Variants in BOLL observed in about 807,000 individuals in gnomAD.
BOLL encodes the protein boule RNA binding protein.
A neutral mutation model predicts 44.4 loss-of-function variants in BOLL; 23 were observed. The ratio of observed to expected loss-of-function variants is 0.52; its 90% CI spans 0.37 to 0.73. The LOEUF (loss-of-function observed/expected upper bound fraction) is 0.73. BOLL is among the 30% of genes least tolerant of loss of function. BOLL has a pLI of 0.00. For synonymous variants in BOLL, 97 were observed against 110.8 expected (o/e 0.88, Z 0.78); for missense variants, 287 against 338.3 (o/e 0.85, Z 1.19).
intron 7 of BOLL, among the ~76,000 whole-genome samples, chr2:197,761,687 C>T (rs755984879): frequency 2.6e-5 from 4 of 152,114 alleles, no homozygotes; most frequent in African/African-American, 4.8e-5. Context: ...AGAGACCCAA[C>T]TATATGCTAC....
intron 6 of BOLL, among the ~76,000 whole-genome samples, chr2:197,768,086 T>C: frequency 6.6e-6 from 1 of 152,052 alleles, no homozygotes; most frequent in Non-Finnish European, 1.5e-5. Flanking sequence ...AGCATTACTA[T>C]ACACCAGCTA....
chr2:197,778,931 A>C, intron 3 of BOLL, 44 bp downstream of exon 3: 1 of 1,525,178 alleles, frequency 6.6e-7, no homozygotes, highest in Non-Finnish European at 9.0e-7. Context: ...CATCCAATGA[A>C]AATAGAGTTG....
chr2:197,744,806 G>T (rs1559396971), intron 9 of BOLL, among the ~76,000 whole-genome samples: 1 of 152,180 alleles, frequency 6.6e-6, no homozygotes, highest in Non-Finnish European at 1.5e-5. Flanking sequence ...AGGAGATTAT[G>T]AAAGCAAGAC....
In BOLL at chr2:197,728,357, T is replaced by G. The variant is rs765245234; in HGVS notation, c.*198A>C. On this transcript the variant is annotated 3_prime_UTR_variant, in exon 11 of 11. Coordinates refer to ENST00000392296, the MANE Select transcript of BOLL (RefSeq NM_033030.6). ...CAACATGCCACATCTACCTAAATAA[T>G]TTTGTAGAACAGCTGAAAAAGCAAA... The G allele has an allele frequency of 2.6e-5, 20 of 780,612 alleles. No homozygotes were observed. The highest frequency in any genetic ancestry group is 3.6e-5 in the Non-Finnish European group (18 of 493,448). The allele number at this position is 780,612 out of a possible 1,614,324, so 48.4% of individuals were successfully genotyped here.
intron 9 of BOLL, among the ~76,000 whole-genome samples, chr2:197,749,060 T>C (rs2106336595): frequency 6.6e-6 from 1 of 152,372 alleles, no homozygotes; most frequent in Non-Finnish European, 1.5e-5. Flanking sequence ...ATCTTTGCTG[T>C]TCCGCAGCTT....
chr2:197,740,895 A>C (rs1687700223), intron 10 of BOLL, among the ~76,000 whole-genome samples: 1 of 152,108 alleles, frequency 6.6e-6, no homozygotes, highest in African/African-American at 2.4e-5. Flanking sequence ...AAAATTTTTA[A>C]GTTTGAAGTC....
chr2:197,778,805 T>TAC (rs71964015), intron 3 of BOLL, among the ~76,000 whole-genome samples, 170 bp downstream of exon 3: 11,768 of 143,456 alleles, frequency 0.082, 605 homozygotes, highest in African/African-American at 0.15. Context: ...CCCTCCAAAA[T>TAC]ACACACACAC....
chr2:197,751,847 A>T (rs1357381502), intron 9 of BOLL, among the ~76,000 whole-genome samples: 1 of 152,002 alleles, frequency 6.6e-6, no homozygotes. Context: ...ACAAAAAAAA[A>T]AAAAGAAAAT....
In BOLL at chr2:197,785,110, A is replaced by T. The variant is rs1016512650; in HGVS notation, c.-70T>A. On this transcript the variant is annotated 5_prime_UTR_variant, in exon 1 of 11. Transcript: ENST00000392296. This position sits in a 1 kb window ranked among gnomAD's most constrained non-coding sequence, Gnocchi z 6.7. ...CCCTCCAAGGCCAGCAAGTTGCGGCACTGGGGGAAATGGCCGCGGCGACAA... is the reference window on the plus strand; with the variant it reads ...CCCTCCAAGGCCAGCAAGTTGCGGCTCTGGGGGAAATGGCCGCGGCGACAA... The T allele has an allele frequency of 1.0e-6, 1 of 985,960 alleles. No homozygotes were observed. Among genetic ancestry groups the T allele is most frequent in the Admixed American group, 6.1e-5 (1 of 16,280 alleles). The allele number at this position is 985,960 out of a possible 1,614,324, so 61.1% of individuals were successfully genotyped here.
rs1682611762 is a variant in BOLL, at chr2:197,727,410, A to G, written c.*1145T>C. 1 of 152,352 alleles carries G rather than the reference A, an allele frequency of 6.6e-6. No individual in the cohort carries two copies. The highest frequency in any genetic ancestry group is 6.5e-5 in the Admixed American group (1 of 15,276). 9.4% of individuals were successfully genotyped at this position (152,352 alleles called of 1,614,324 possible). On this transcript the variant is annotated 3_prime_UTR_variant, in exon 11 of 11. Coordinates refer to ENST00000392296, the MANE Select transcript of BOLL (RefSeq NM_033030.6). Reference sequence around the variant, plus strand: ...GAGGTCAGTGAAAGAACTGCAAATGAATGTAAAGAGGAATATTTCCTGTAC... The same window carrying G: ...GAGGTCAGTGAAAGAACTGCAAATGGATGTAAAGAGGAATATTTCCTGTAC...
In BOLL at chr2:197,785,237, G is replaced by A; in HGVS notation, c.-197C>T. ...GAGGGAAAAGAAGGCTAGCCAGCGAGAAATTTTGCCCCACAAATCCGCCAG... is the reference window on the plus strand; with the variant it reads ...GAGGGAAAAGAAGGCTAGCCAGCGAAAAATTTTGCCCCACAAATCCGCCAG... On this transcript the variant is annotated 5_prime_UTR_variant, in exon 1 of 11. Transcript: ENST00000392296. The surrounding 1 kb of genome is among the most constrained non-coding windows in gnomAD (Gnocchi z 6.7). 1 of 985,938 alleles carries A rather than the reference G, an allele frequency of 1.0e-6. No homozygotes were observed. The highest frequency in any genetic ancestry group is 1.2e-6 in the Non-Finnish European group (1 of 829,952). 61.1% of individuals were successfully genotyped at this position (985,938 alleles called of 1,614,324 possible). A position where few individuals can be genotyped will look rare whatever the true frequency, so the allele number is the denominator to read the frequency against.
At chr2:197,728,895 G>A (rs955017876) in intron 10 of BOLL, among the ~76,000 whole-genome samples, 5 of 152,300 alleles carry the variant, frequency 3.3e-5, no homozygotes, top group Admixed American at 3.3e-4. Context: ...CTATTAGGTG[G>A]GTCTTAAAAA....
At chr2:197,766,247 T>G (rs1688993193) in intron 7 of BOLL, among the ~76,000 whole-genome samples, 1 of 152,076 alleles carries the variant, frequency 6.6e-6, no homozygotes, top group Admixed American at 6.6e-5. Context: ...TTGAGGAATC[T>G]CCATACTGCT....
chr2:197,784,487 G>A (rs1292599607), intron 1 of BOLL: 2 of 140,502 alleles, frequency 1.4e-5, no homozygotes, highest in East Asian at 2.1e-4. Context: ...CTGGAGTGCA[G>A]TGGCGTGATT....
intron 9 of BOLL, among the ~76,000 whole-genome samples, chr2:197,750,724 A>G (rs1391800825): frequency 6.6e-6 from 1 of 152,212 alleles, no homozygotes; most frequent in Non-Finnish European, 1.5e-5. Context: ...CACTGTCAAT[A>G]TTAGACAGAT....
chr2:197,756,936 A>G (rs1688542831), intron 8 of BOLL, among the ~76,000 whole-genome samples: 1 of 152,178 alleles, frequency 6.6e-6, no homozygotes, highest in African/African-American at 2.4e-5. Flanking sequence ...GGAAAATGTG[A>G]AACTTTTTTG....
Position 197,731,670 on chromosome 2 carries a change from C to G in BOLL, c.829-3092G>C, listed in dbSNP as rs918434377. 2.6e-4 allele frequency among the ~76,000 whole-genome samples: 39 copies of G among 151,468 alleles called. 1 individual carries two copies. The highest frequency in any genetic ancestry group is 4.7e-4 in the Non-Finnish European group (32 of 67,990). ...TCAGGATTAAGAATCTCACTCAAAACTGCTCAAATACATGGAAACTGAACA... is the reference window on the plus strand; with the variant it reads ...TCAGGATTAAGAATCTCACTCAAAAGTGCTCAAATACATGGAAACTGAACA... On this transcript the variant is annotated intron_variant, in intron 10 of 10. Transcript: ENST00000392296.
Position 197,759,348 on chromosome 2 carries a change from G to C in BOLL, c.553-1948C>G, listed in dbSNP as rs111684153. On this transcript the variant is annotated intron_variant, in intron 7 of 10. Transcript: ENST00000392296. ...CCAGCCTGCATTGCTACTGCAAACAGCCACACTCCTTGCAACAGGAGAATC... is the reference window on the plus strand; with the variant it reads ...CCAGCCTGCATTGCTACTGCAAACACCCACACTCCTTGCAACAGGAGAATC... Among the ~76,000 whole-genome samples, 1,083 of 152,236 alleles carry C rather than the reference G, an allele frequency of 7.1e-3. 22 individuals carry two copies. The highest frequency in any genetic ancestry group is 0.024 in the African/African-American group (1,015 of 41,536).
Position 197,737,337 on chromosome 2 carries a change from A to T in BOLL, c.828+5724T>A, listed in dbSNP as rs1574806035. Among the ~76,000 whole-genome samples the T allele has an allele frequency of 3.3e-5, 5 of 152,052 alleles. No individual in the cohort carries two copies. In the South Asian group the frequency reaches 8.3e-4, roughly 25 times the overall value. ...ACTCATGACAATTAGAATTGGTGTCATGAACACTTGATTCTCCTTACTGTC... is the reference window on the plus strand; with the variant it reads ...ACTCATGACAATTAGAATTGGTGTCTTGAACACTTGATTCTCCTTACTGTC... On this transcript the variant is annotated intron_variant, in intron 10 of 10. Transcript: ENST00000392296.
Sources: allele counts gnomAD v4.1 joint callset (sites outside exome capture counted in the v4.1 genomes callset), GRCh38; gene constraint gnomAD v4.1.1; non-coding constraint Gnocchi (gnomAD v3.1); transcripts MANE v1.5; gene names NCBI Gene and HGNC (gene_info 2026-07-23, HGNC 2026-07-21).